EDC3: variants seen among roughly 807,000 people sequenced by gnomAD.
The protein encoded by EDC3 is enhancer of mRNA decapping 3, also known as enhancer of mRNA-decapping protein 3.
A neutral mutation model predicts 41.8 loss-of-function variants in EDC3; 20 were observed. That is an observed-to-expected ratio of 0.48 (90% CI 0.34 to 0.70). EDC3 has a LOEUF of 0.70. Among genes scored for constraint, EDC3 ranks in the 30% least tolerant of loss-of-function variants. The pLI is 0.01. For missense variants in EDC3, 444 were observed against 636.8 expected, an observed-to-expected ratio of 0.70 and a Z score of 3.26; for synonymous variants, 206 against 243.2, an observed-to-expected ratio of 0.85 and a Z score of 1.42.
chr15:74,689,467 A>G (rs1338009216), intron 1 of EDC3, among the ~76,000 whole-genome samples: 1 of 152,218 alleles, frequency 6.6e-6, no homozygotes, highest in Non-Finnish European at 1.5e-5. Flanking sequence ...TATTCAGTCA[A>G]GAACTTGCTA....
chr15:74,652,616 C>G (rs2062494827), intron 4 of EDC3, among the ~76,000 whole-genome samples: 1 of 151,778 alleles, frequency 6.6e-6, no homozygotes, highest in Non-Finnish European at 1.5e-5. Flanking sequence ...GGGTCTGACT[C>G]TGTCACCCAG....
chr15:74,682,236 C>T (rs1326608776), intron 1 of EDC3, among the ~76,000 whole-genome samples: 1 of 152,106 alleles, frequency 6.6e-6, no homozygotes, highest in African/African-American at 2.4e-5. Flanking sequence ...GCATGAGAAT[C>T]GCTTGAACCT....
At chr15:74,687,752 C>T (rs1378222689) in intron 1 of EDC3, among the ~76,000 whole-genome samples, 1 of 152,160 alleles carries the variant, frequency 6.6e-6, no homozygotes, top group Non-Finnish European at 1.5e-5. Flanking sequence ...ACATTTTAGG[C>T]TTCTTTTCCC....
intron 3 of EDC3, among the ~76,000 whole-genome samples, chr15:74,657,311 G>A (rs1393403991): frequency 5.9e-5 from 9 of 152,198 alleles, no homozygotes; most frequent in Admixed American, 2.6e-4. Context: ...GCCCAGAAGC[G>A]CTCATTCTGG....
intron 4 of EDC3, among the ~76,000 whole-genome samples, chr15:74,649,187 C>T (rs536543935): frequency 1.3e-5 from 2 of 151,924 alleles, no homozygotes; most frequent in South Asian, 4.2e-4. Context: ...GCCTCAGCCT[C>T]CCAAGTAGCT....
chr15:74,689,994 A>T (rs1192866201), intron 1 of EDC3, among the ~76,000 whole-genome samples: 1 of 151,900 alleles, frequency 6.6e-6, no homozygotes, highest in Non-Finnish European at 1.5e-5. Flanking sequence ...ATGTACAATA[A>T]AAAAAAATAC....
intron 4 of EDC3, among the ~76,000 whole-genome samples, chr15:74,654,993 G>A (rs1282034992): frequency 6.6e-6 from 1 of 152,128 alleles, no homozygotes; most frequent in Non-Finnish European, 1.5e-5. Context: ...CAATAACAAT[G>A]GTTTTCAAAC....
intron 1 of EDC3, among the ~76,000 whole-genome samples, chr15:74,686,239 C>T (rs1269337092): frequency 6.6e-6 from 1 of 152,064 alleles, no homozygotes; most frequent in Non-Finnish European, 1.5e-5. Flanking sequence ...GCAGGAGAAT[C>T]GCTTGAACCC....
At chr15:74,681,152 G>C (rs2062866231) in intron 1 of EDC3, among the ~76,000 whole-genome samples, 1 of 152,084 alleles carries the variant, frequency 6.6e-6, no homozygotes, top group Non-Finnish European at 1.5e-5. Context: ...AACTAAAATA[G>C]CTAAATCAAT....
intron 3 of EDC3, among the ~76,000 whole-genome samples, chr15:74,662,997 A>G (rs529673883): frequency 2.0e-5 from 3 of 152,206 alleles, no homozygotes; most frequent in Non-Finnish European, 2.9e-5. Context: ...TTTGAAAAGC[A>G]TGAGCTGGCC....
chr15:74,631,524 CATCTA>C lies in EDC3; in HGVS notation c.*1083_*1087del, dbSNP rs1165646958. 1 of 152,296 alleles carries C rather than the reference CATCTA, an allele frequency of 6.6e-6. No homozygotes were observed. Among genetic ancestry groups the C allele is most frequent in the Non-Finnish European group, 1.5e-5 (1 of 68,090 alleles). The allele number at this position is 152,296 out of a possible 1,614,324, so 9.4% of individuals were successfully genotyped here. A position where few individuals can be genotyped will look rare whatever the true frequency, so the allele number is the denominator to read the frequency against. On this transcript the variant is annotated 3_prime_UTR_variant, in exon 7 of 7. Coordinates refer to ENST00000315127, the MANE Select transcript of EDC3 (RefSeq NM_025083.5). ...ACAGGGTGCTGGCCCCAAGCCTACT[CATCTA>C]GACTGGACAAATGTAAAAGGTTCAA...
At chr15:74,675,585 T>G (rs892924919) in intron 1 of EDC3, among the ~76,000 whole-genome samples, 28 of 149,390 alleles carry the variant, frequency 1.9e-4, no homozygotes, top group African/African-American at 6.9e-4. Context: ...TCTGGATAGT[T>G]GTTTTTTTTT....
Position 74,658,624 on chromosome 15 carries a change from G to GAA in EDC3, c.485-2558_485-2557dup, listed in dbSNP as rs60193835. Among the ~76,000 whole-genome samples, 196 of 39,022 alleles carry GAA rather than the reference G, an allele frequency of 5.0e-3. 17 individuals carry two copies. The highest frequency in any genetic ancestry group is 0.016 in the African/African-American group (155 of 9,992). 25.6% of individuals were successfully genotyped at this position (39,022 alleles called of 152,430 possible). On this transcript the variant is annotated intron_variant, in intron 3 of 6. Coordinates refer to ENST00000315127, the MANE Select transcript of EDC3 (RefSeq NM_025083.5). The stretch of plus-strand genomic sequence containing the variant: ...CAGTGAAGATGCAATTTACGTCTCT[G>GAA]AAAAAAAAAAAAAAAAAAAAAAAAA...
chr15:74,680,122 C>T (rs1001554611), intron 1 of EDC3, among the ~76,000 whole-genome samples: 5 of 150,966 alleles, frequency 3.3e-5, no homozygotes, highest in Non-Finnish European at 5.9e-5. Flanking sequence ...ATTAGCCAGG[C>T]GTGGTGGCGT....
At position 74,657,611 on chromosome 15, in the gene EDC3, C is replaced by T. The variant is rs536306339; in HGVS notation, c.485-1543G>A. On this transcript the variant is annotated intron_variant, in intron 3 of 6. Coordinates refer to ENST00000315127, the MANE Select transcript of EDC3 (RefSeq NM_025083.5). ...CTGGCAGTTGTTTAAGAGAGAAATA[C>T]CCCCAGAGTAAAAGAAGGCCTGGTC... Among the ~76,000 whole-genome samples the T allele has an allele frequency of 5.5e-3, 840 of 152,270 alleles. 3 individuals are homozygous for T. The highest frequency in any genetic ancestry group is 7.7e-3 in the Non-Finnish European group (525 of 68,012).
In EDC3 at chr15:74,655,853, G is replaced by A. The variant is rs764605310; in HGVS notation, c.700C>T (p.Arg234Trp). The change falls in exon 4 of 7, where the codon CGG becomes TGG. Residue 234 changes from arginine to tryptophan, a missense_variant. Arg to Trp is a moderately radical substitution (Grantham distance 101). Around this residue, in one of 3 missense-constraint regions of EDC3, gnomAD observed 242 missense variants for 363.8 expected, o/e 0.67. Coordinates refer to ENST00000315127, the MANE Select transcript of EDC3 (RefSeq NM_025083.5). ...TYERRSGTRS[R>W]GIPNERPTRY... is the part of the protein sequence containing the mutation. ...GTGGGCCTTTCATTTGGGATGCCCC[G>A]GGAACGGGTACCACTTCTCCTTTCA... 6.8e-6 allele frequency: 11 copies of A among 1,614,074 alleles called. No individual in the cohort carries two copies. The highest frequency in any genetic ancestry group is 9.3e-6 in the Non-Finnish European group (11 of 1,180,020).
intron 4 of EDC3, among the ~76,000 whole-genome samples, chr15:74,646,102 C>T (rs1397080561): frequency 7.7e-6 from 1 of 130,170 alleles, no homozygotes; most frequent in Non-Finnish European, 1.6e-5. Flanking sequence ...TTCAGAGTTT[C>T]ACTCTTGTTA....
At chr15:74,672,957 G>A (rs574264674) in intron 2 of EDC3, among the ~76,000 whole-genome samples, 1 of 152,270 alleles carries the variant, frequency 6.6e-6, no homozygotes, top group South Asian at 2.1e-4. Flanking sequence ...CAGGGCAGGG[G>A]GAATGAGTGG....
intron 1 of EDC3, among the ~76,000 whole-genome samples, 187 bp from the exon 2 acceptor site, chr15:74,675,329 A>T (rs2062791121): frequency 1.3e-5 from 2 of 152,042 alleles, no homozygotes; most frequent in African/African-American, 2.4e-5. Flanking sequence ...TTAAAAAATA[A>T]TATTATTTAA....
Sources: allele counts gnomAD v4.1 joint callset (sites outside exome capture counted in the v4.1 genomes callset), GRCh38; gene constraint gnomAD v4.1.1; regional missense constraint gnomAD v4.1.1; transcripts MANE v1.5; gene names NCBI Gene and HGNC (gene_info 2026-07-23, HGNC 2026-07-21).